SLC25A21: variants seen among roughly 807,000 people sequenced by gnomAD.
SLC25A21 encodes solute carrier family 25 member 21.
SLC25A21 carries 47 observed loss-of-function variants against 43.8 expected under a neutral mutation model. The observed-to-expected ratio is 1.07, with a 90% confidence interval of 0.85 to 1.37. The LOEUF is 1.37. SLC25A21 is among the 40% of genes most tolerant of loss of function. The probability of loss-of-function intolerance (pLI) is 0.00; values close to 1 mark genes in which losing one functional copy is unlikely to be tolerated. For missense variants in SLC25A21, 352 were observed against 350.2 expected (o/e 1.00, Z -0.04); for synonymous variants, 131 against 121.3 (o/e 1.08, Z -0.52).
intron 2 of SLC25A21, among the ~76,000 whole-genome samples, chr14:36,817,454 G>C (rs991476629): frequency 6.6e-6 from 1 of 152,074 alleles, no homozygotes; most frequent in Admixed American, 6.6e-5. Context: ...CCTTTCTAAT[G>C]GGGAAGCGAA....
chr14:36,886,746 A>C (rs1161154076), intron 1 of SLC25A21, among the ~76,000 whole-genome samples: 7 of 152,198 alleles, frequency 4.6e-5, no homozygotes, highest in African/African-American at 1.7e-4. Context: ...ACCTGTAAAC[A>C]AAGTTTTTAT....
chr14:36,903,376 C>T lies in SLC25A21; in HGVS notation c.71-28372G>A, dbSNP rs561829010. ...TTTAAAAATAAATTGCTTTGGGAGG[C>T]CAAGGTGGGTGGATCACTTGAGGTC... On this transcript the variant is annotated intron_variant, in intron 1 of 9. Coordinates refer to ENST00000331299, the MANE Select transcript of SLC25A21 (RefSeq NM_030631.4). 2.0e-5 allele frequency among the ~76,000 whole-genome samples: 3 copies of T among 151,952 alleles called. No homozygotes were observed. In the South Asian group the frequency reaches 6.2e-4, roughly 32 times the overall value.
At chr14:37,097,919 G>A (rs1962733504) in intron 1 of SLC25A21, 1 of 151,936 alleles carries the variant, frequency 6.6e-6, no homozygotes, top group African/African-American at 2.4e-5. Context: ...ATAGATGGAT[G>A]GATATATAGA....
chr14:37,049,555 G>A (rs553476016), intron 1 of SLC25A21, among the ~76,000 whole-genome samples: 1 of 152,274 alleles, frequency 6.6e-6, no homozygotes, highest in African/African-American at 2.4e-5. Context: ...CTGGGCAACA[G>A]AGGAAGACCC....
intron 1 of SLC25A21, among the ~76,000 whole-genome samples, chr14:36,957,426 T>C (rs1266726213): frequency 3.9e-5 from 6 of 152,148 alleles, no homozygotes; most frequent in Admixed American, 1.3e-4. Flanking sequence ...CTGTGTGACT[T>C]TGGATAAGGA....
chr14:37,150,897 T>C (rs1476690859), intron 1 of SLC25A21, among the ~76,000 whole-genome samples: 2 of 152,288 alleles, frequency 1.3e-5, no homozygotes, highest in African/African-American at 4.8e-5. Context: ...ATAACAGCAA[T>C]AGAAGCCTCA....
chr14:37,081,662 A>G (rs1356991822), intron 1 of SLC25A21, among the ~76,000 whole-genome samples: 1 of 152,248 alleles, frequency 6.6e-6, no homozygotes, highest in African/African-American at 2.4e-5. Context: ...TTAGAGTGAT[A>G]AGATATAGTA....
At chr14:37,106,388 C>T (rs554231254) in intron 1 of SLC25A21, among the ~76,000 whole-genome samples, 11 of 152,070 alleles carry the variant, frequency 7.2e-5, no homozygotes, top group African/African-American at 1.2e-4. Flanking sequence ...GGTCTATAAA[C>T]GGCTGCTCTG....
At chr14:37,054,998 C>T (rs143168408) in intron 1 of SLC25A21, among the ~76,000 whole-genome samples, 18 of 152,320 alleles carry the variant, frequency 1.2e-4, no homozygotes, top group African/African-American at 4.3e-4. Flanking sequence ...GTGACTTCTG[C>T]CCAGCTGGAA....
chr14:36,851,586 TAATC>T, intron 2 of SLC25A21, among the ~76,000 whole-genome samples: 1 of 152,306 alleles, frequency 6.6e-6, no homozygotes, highest in Non-Finnish European at 1.5e-5. Context: ...TTGGGAGAAT[TAATC>T]AATTGAATGT....
intron 1 of SLC25A21, among the ~76,000 whole-genome samples, chr14:36,934,278 C>G (rs146050296): frequency 3.3e-4 from 50 of 152,054 alleles, no homozygotes; most frequent in African/African-American, 1.2e-3. Flanking sequence ...TCCAGGCGAC[C>G]TCATAGGCTT....
intron 2 of SLC25A21, among the ~76,000 whole-genome samples, chr14:36,836,306 A>G (rs150176725): frequency 2.0e-5 from 3 of 152,338 alleles, no homozygotes; most frequent in African/African-American, 7.2e-5. Flanking sequence ...ATTTGCTACA[A>G]CCCAACATGG....
At chr14:36,935,999 A>G (rs1892413453) in intron 1 of SLC25A21, among the ~76,000 whole-genome samples, 1 of 146,694 alleles carries the variant, frequency 6.8e-6, no homozygotes, top group Non-Finnish European at 1.5e-5. Context: ...TAGAATAGTT[A>G]CTCCAGGCTA....
chr14:36,952,116 C>T (rs547801537), intron 1 of SLC25A21, among the ~76,000 whole-genome samples: 2 of 152,080 alleles, frequency 1.3e-5, no homozygotes. Flanking sequence ...GCCTGTAATC[C>T]CAGCTACTCA....
At chr14:37,153,311 G>C (rs966069703) in intron 1 of SLC25A21, among the ~76,000 whole-genome samples, 3 of 152,224 alleles carry the variant, frequency 2.0e-5, no homozygotes, top group Non-Finnish European at 4.4e-5. Context: ...CCAAGACTGA[G>C]ACATTACAAA....
chr14:37,081,998 A>G (rs770327734), intron 1 of SLC25A21, among the ~76,000 whole-genome samples: 3 of 152,206 alleles, frequency 2.0e-5, no homozygotes, highest in Non-Finnish European at 4.4e-5. Flanking sequence ...TTCCAAAGAT[A>G]GTGGTAAAAA....
intron 1 of SLC25A21, among the ~76,000 whole-genome samples, chr14:37,096,823 C>T (rs765527487): frequency 2.0e-5 from 3 of 151,958 alleles, no homozygotes; most frequent in East Asian, 1.9e-4. Flanking sequence ...TTGAATTACC[C>T]GTCTGAGAGG....
At chr14:36,947,184 C>A (rs983095405) in intron 1 of SLC25A21, among the ~76,000 whole-genome samples, 1 of 152,178 alleles carries the variant, frequency 6.6e-6, no homozygotes, top group Non-Finnish European at 1.5e-5. Flanking sequence ...CAGCTGCACA[C>A]CAAGTAACAA....
intron 7 of SLC25A21, among the ~76,000 whole-genome samples, chr14:36,697,954 T>A (rs1883109254): frequency 6.6e-6 from 1 of 151,012 alleles, no homozygotes; most frequent in African/African-American, 2.4e-5. Context: ...GATCCTATCA[T>A]TATGATGTTA....
Sources: allele counts gnomAD v4.1 joint callset (sites outside exome capture counted in the v4.1 genomes callset), GRCh38; gene constraint gnomAD v4.1.1; transcripts MANE v1.5; gene names NCBI Gene and HGNC (gene_info 2026-07-23, HGNC 2026-07-21).